PTPRD: variants seen among roughly 807,000 people sequenced by gnomAD.
The protein encoded by PTPRD is receptor-type tyrosine-protein phosphatase delta.
PTPRD carries 34 observed loss-of-function variants against 214.5 expected under a neutral mutation model. The observed-to-expected ratio is 0.16, with a 90% confidence interval of 0.12 to 0.21. The LOEUF (loss-of-function observed/expected upper bound fraction) is 0.21. Among genes scored for constraint, PTPRD ranks in the 10% least tolerant of loss-of-function variants. The pLI, the probability that PTPRD is intolerant of heterozygous loss-of-function variation, is 1.00. For missense variants in PTPRD, 2,545 were observed against 2,398.7 expected, an observed-to-expected ratio of 1.06 and a Z score of -1.27; for synonymous variants, 1,128 against 845.7, an observed-to-expected ratio of 1.33 and a Z score of -5.79.
intron 8 of PTPRD, among the ~76,000 whole-genome samples, chr9:9,546,330 C>A (rs1241899067): frequency 6.6e-6 from 1 of 151,256 alleles, no homozygotes; most frequent in Non-Finnish European, 1.5e-5. Flanking sequence ...ATTTCCTTTT[C>A]TTGTCTTATT....
intron 10 of PTPRD, among the ~76,000 whole-genome samples, chr9:9,081,863 C>T (rs1285410486): frequency 2.7e-5 from 4 of 147,786 alleles, no homozygotes; most frequent in Non-Finnish European, 6.0e-5. Flanking sequence ...GGTAAATATT[C>T]CTCCATGCCT....
intron 2 of PTPRD, among the ~76,000 whole-genome samples, chr9:10,538,202 C>G (rs146350893): frequency 1.3e-5 from 2 of 149,494 alleles, no homozygotes; most frequent in African/African-American, 4.9e-5. Flanking sequence ...GGCCATGAGA[C>G]GACACTGTGG....
chr9:10,353,406 T>C (rs1434575250), intron 2 of PTPRD, among the ~76,000 whole-genome samples: 3 of 152,016 alleles, frequency 2.0e-5, no homozygotes, highest in African/African-American at 7.2e-5. Context: ...CTAACAGCAC[T>C]TTTCAGTCAT....
At chr9:8,334,086 AATAGGAGACTTT>A (rs1564023288) in intron 43 of PTPRD, among the ~76,000 whole-genome samples, 1 of 152,170 alleles carries the variant, frequency 6.6e-6, no homozygotes, top group African/African-American at 2.4e-5. Context: ...ACACAATAAT[AATAGGAGACTTT>A]AACACCCCAC....
At chr9:8,940,271 CT>C (rs1160174429) in intron 11 of PTPRD, among the ~76,000 whole-genome samples, 164 of 74,860 alleles carry the variant, frequency 2.2e-3, no homozygotes, top group Non-Finnish European at 3.4e-3. Flanking sequence ...ATCTCTCTCT[CT>C]CTCTCTCCTT....
intron 4 of PTPRD, among the ~76,000 whole-genome samples, chr9:9,964,105 G>C (rs950384983): frequency 6.6e-6 from 1 of 152,210 alleles, no homozygotes; most frequent in Non-Finnish European, 1.5e-5. Context: ...CAAAGACAGA[G>C]ACAGAGAGAG....
At chr9:9,244,123 T>A (rs1475820917) in intron 9 of PTPRD, among the ~76,000 whole-genome samples, 4 of 152,034 alleles carry the variant, frequency 2.6e-5, no homozygotes, top group African/African-American at 4.8e-5. Context: ...ACCACTGCTC[T>A]ACAAAATAAA....
At chr9:9,614,615 C>T (rs891518007) in intron 7 of PTPRD, among the ~76,000 whole-genome samples, 2 of 152,010 alleles carry the variant, frequency 1.3e-5, no homozygotes, top group Non-Finnish European at 2.9e-5. Flanking sequence ...TTCAATAGAC[C>T]GTAGCATCTC....
At chr9:9,340,761 G>A (rs1272407987) in intron 9 of PTPRD, among the ~76,000 whole-genome samples, 1 of 152,138 alleles carries the variant, frequency 6.6e-6, no homozygotes, top group African/African-American at 2.4e-5. Context: ...ACAAGTCAAT[G>A]GTAGCTATGC....
intron 5 of PTPRD, among the ~76,000 whole-genome samples, chr9:9,884,532 G>T (rs1253349808): frequency 6.6e-6 from 1 of 152,046 alleles, no homozygotes; most frequent in Non-Finnish European, 1.5e-5. Flanking sequence ...AAAGCTCTGG[G>T]AATAGATGGC....
Position 8,904,542 on chromosome 9 carries a change from C to A in PTPRD, c.-104+114155G>T, listed in dbSNP as rs530959589. Among the ~76,000 whole-genome samples the A allele has an allele frequency of 2.0e-5, 3 of 151,998 alleles. No individual in the cohort carries two copies. The East Asian group carries it at 5.8e-4, about 30-fold the overall frequency. On this transcript the variant is annotated intron_variant, in intron 11 of 45. Transcript: ENST00000381196. ...CAAAAATTAGCCAGCTATGGTGGCG[C>A]ATGCCTGTAGTCCCAGCTACTCTGG...
intron 10 of PTPRD, among the ~76,000 whole-genome samples, chr9:9,166,854 G>A (rs1327507168): frequency 6.6e-6 from 1 of 152,132 alleles, no homozygotes; most frequent in Non-Finnish European, 1.5e-5. Context: ...ATAGTTGTAA[G>A]AGGTTTAAGA....
At chr9:10,220,581 G>A (rs762237661) in intron 3 of PTPRD, among the ~76,000 whole-genome samples, 6 of 151,858 alleles carry the variant, frequency 4.0e-5, no homozygotes, top group Admixed American at 1.3e-4. Flanking sequence ...ATTGACAGCT[G>A]TCCTGTTACA....
At chr9:10,117,155 T>A (rs1409658021) in intron 3 of PTPRD, among the ~76,000 whole-genome samples, 2 of 152,074 alleles carry the variant, frequency 1.3e-5, no homozygotes, top group African/African-American at 4.8e-5. Context: ...TTTTAGGTGA[T>A]CGATAAACAT....
chr9:10,603,802 A>G (rs2078582805), intron 2 of PTPRD, among the ~76,000 whole-genome samples: 2 of 151,856 alleles, frequency 1.3e-5, no homozygotes, highest in African/African-American at 4.8e-5. Context: ...GAATAAAAAG[A>G]TCATAGTGAC....
intron 3 of PTPRD, among the ~76,000 whole-genome samples, chr9:10,122,199 T>G (rs2098781429): frequency 6.6e-6 from 1 of 151,996 alleles, no homozygotes; most frequent in Non-Finnish European, 1.5e-5. Flanking sequence ...TCCCAGCTAC[T>G]CGGGAGGCTG....
chr9:8,842,479 T>C (rs2097577789), intron 11 of PTPRD, among the ~76,000 whole-genome samples: 1 of 152,196 alleles, frequency 6.6e-6, no homozygotes, highest in Non-Finnish European at 1.5e-5. Flanking sequence ...AGTACATTAG[T>C]AGAACTACCT....
intron 3 of PTPRD, among the ~76,000 whole-genome samples, chr9:10,131,298 T>C (rs911193324): frequency 4.6e-5 from 7 of 152,136 alleles, no homozygotes; most frequent in African/African-American, 9.7e-5. Flanking sequence ...CTAGATACCA[T>C]AGTGTAACTT....
chr9:8,482,884 C>T (rs185889587), intron 30 of PTPRD, among the ~76,000 whole-genome samples: 1 of 149,988 alleles, frequency 6.7e-6, no homozygotes, highest in East Asian at 2.0e-4. Context: ...TGTATGCCTC[C>T]TATTTATCCC....
Sources: gnomAD v4.1 joint callset for allele counts (sites outside exome capture counted in the v4.1 genomes callset) on GRCh38, gnomAD v4.1.1 for gene constraint, MANE v1.5 for transcripts, NCBI Gene and HGNC (gene_info 2026-07-23, HGNC 2026-07-21) for gene names.